The following ARHGAP15 variants were observed in gnomAD, a reference collection of about 807,000 sequenced individuals.
ARHGAP15 encodes the protein Rho GTPase activating protein 15.
ARHGAP15 carries 51 observed loss-of-function variants against 63.7 expected under a neutral mutation model. The observed-to-expected ratio is 0.80, with a 90% CI of 0.64 to 1.01. ARHGAP15 has a LOEUF of 1.01. Ranked by LOEUF, ARHGAP15 falls within the 50% of genes least tolerant of loss-of-function variation. The probability of loss-of-function intolerance (pLI) is 0.00; values close to 1 mark genes in which losing one functional copy is unlikely to be tolerated. For missense variants in ARHGAP15, 560 were observed against 564.6 expected, an observed-to-expected ratio of 0.99 and a Z score of 0.08; for synonymous variants, 191 against 193.8, an observed-to-expected ratio of 0.99 and a Z score of 0.12.
At chr2:143,254,317 C>A (rs1376988170) in intron 6 of ARHGAP15, among the ~76,000 whole-genome samples, 1 of 151,988 alleles carries the variant, frequency 6.6e-6, no homozygotes, top group East Asian at 1.9e-4. Context: ...GCTACTGTCA[C>A]CTTCTGTTTC....
At chr2:143,687,643 G>C (rs62170310) in intron 12 of ARHGAP15, among the ~76,000 whole-genome samples, 64 of 152,168 alleles carry the variant, frequency 4.2e-4, no homozygotes, top group Non-Finnish European at 9.0e-4. Flanking sequence ...GAAATACCTA[G>C]AGGAAAGTCT....
intron 4 of ARHGAP15, among the ~76,000 whole-genome samples, chr2:143,221,971 G>A (rs1230397235): frequency 1.3e-5 from 2 of 152,196 alleles, no homozygotes; most frequent in African/African-American, 4.8e-5. Flanking sequence ...TTTGGAATGT[G>A]AGACTAAGGT....
chr2:143,262,586 T>C (rs1680783791), intron 6 of ARHGAP15, among the ~76,000 whole-genome samples: 1 of 149,918 alleles, frequency 6.7e-6, no homozygotes, highest in Non-Finnish European at 1.5e-5. Flanking sequence ...TTCACTGTAG[T>C]TGACAGTTCA....
intron 5 of ARHGAP15, among the ~76,000 whole-genome samples, chr2:143,248,914 A>G (rs964210268): frequency 2.0e-5 from 3 of 152,196 alleles, no homozygotes; most frequent in Non-Finnish European, 4.4e-5. Flanking sequence ...ACTTGACTGT[A>G]TGGGAAAAAT....
intron 6 of ARHGAP15, among the ~76,000 whole-genome samples, chr2:143,354,946 G>A (rs924767512): frequency 6.6e-6 from 1 of 152,124 alleles, no homozygotes; most frequent in Admixed American, 6.5e-5. Flanking sequence ...CAAAGTGAAG[G>A]CCATTTTGAA....
chr2:143,670,195 G>A (rs1682446083), intron 12 of ARHGAP15, among the ~76,000 whole-genome samples: 1 of 152,068 alleles, frequency 6.6e-6, no homozygotes, highest in African/African-American at 2.4e-5. Context: ...ACCCACTTCT[G>A]CTCCCAACCA....
At chr2:143,257,802 C>T (rs922423871) in intron 6 of ARHGAP15, among the ~76,000 whole-genome samples, 6 of 152,062 alleles carry the variant, frequency 3.9e-5, no homozygotes, top group Non-Finnish European at 7.4e-5. Context: ...GCAAAAGAAA[C>T]CACTGCCACT....
At chr2:143,426,358 C>A (rs1213140430) in intron 6 of ARHGAP15, among the ~76,000 whole-genome samples, 5 of 152,066 alleles carry the variant, frequency 3.3e-5, no homozygotes, top group Admixed American at 3.3e-4. Flanking sequence ...ATCCCAGAAG[C>A]TTTAGCATCC....
chr2:143,293,734 T>C (rs1388441073), intron 6 of ARHGAP15, among the ~76,000 whole-genome samples: 1 of 152,002 alleles, frequency 6.6e-6, no homozygotes. Flanking sequence ...AAACGGAAAG[T>C]AATATTAATA....
chr2:143,462,767 GTAGTAA>G, intron 8 of ARHGAP15, among the ~76,000 whole-genome samples: 1 of 152,056 alleles, frequency 6.6e-6, no homozygotes, highest in South Asian at 2.1e-4. Flanking sequence ...CTAGTAAGAT[GTAGTAA>G]GATGGATGGA....
intron 10 of ARHGAP15, among the ~76,000 whole-genome samples, chr2:143,532,439 T>A (rs1291082158): frequency 6.6e-6 from 1 of 152,242 alleles, no homozygotes. Flanking sequence ...ATGTTTTCCA[T>A]TCAAATTCTT....
intron 9 of ARHGAP15, among the ~76,000 whole-genome samples, chr2:143,490,673 T>G (rs950031128): frequency 2.0e-5 from 3 of 152,110 alleles, no homozygotes; most frequent in Non-Finnish European, 4.4e-5. Flanking sequence ...CAGGCTGGAG[T>G]GCAGTGGCAT....
chr2:143,677,724 G>A (rs2105363816), intron 12 of ARHGAP15, among the ~76,000 whole-genome samples: 2 of 152,308 alleles, frequency 1.3e-5, no homozygotes, highest in South Asian at 4.1e-4. Context: ...TTCATATAAT[G>A]AAGTTATTGA....
rs186616966 is a variant in ARHGAP15 at position 143,226,422 on chromosome 2, C to A, written c.297-2159C>A. Among the ~76,000 whole-genome samples, 68 of 152,312 alleles carry A rather than the reference C, an allele frequency of 4.5e-4. 1 individual carries two copies. Among genetic ancestry groups the A allele is most frequent in the Non-Finnish European group, 7.5e-4 (51 of 68,014 alleles). On this transcript the variant is annotated intron_variant, in intron 4 of 13. Coordinates refer to ENST00000295095, the MANE Select transcript of ARHGAP15 (RefSeq NM_018460.4). ...ATAATAGGTAGGTTAAATATGGATT[C>A]TTCGTGTGTGAGGGTGTTCTGTACT...
intron 11 of ARHGAP15, among the ~76,000 whole-genome samples, chr2:143,622,634 G>A (rs1205232261): frequency 6.6e-6 from 1 of 152,086 alleles, no homozygotes; most frequent in Non-Finnish European, 1.5e-5. Flanking sequence ...ACATTATTGT[G>A]TTATGATTGA....
intron 6 of ARHGAP15, among the ~76,000 whole-genome samples, chr2:143,279,383 C>T (rs1681730277): frequency 6.6e-6 from 1 of 152,112 alleles, no homozygotes; most frequent in Non-Finnish European, 1.5e-5. Flanking sequence ...AGAGCACTAT[C>T]CTGCAAACTG....
chr2:143,227,492 AT>A (rs1693256003), intron 4 of ARHGAP15, among the ~76,000 whole-genome samples: 1 of 152,138 alleles, frequency 6.6e-6, no homozygotes, highest in Non-Finnish European at 1.5e-5. Context: ...ATATTTTTAA[AT>A]TTATCATAAG....
chr2:143,374,138 G>T (rs1220988713), intron 6 of ARHGAP15, among the ~76,000 whole-genome samples: 1 of 152,188 alleles, frequency 6.6e-6, no homozygotes, highest in African/African-American at 2.4e-5. Flanking sequence ...CGCAACGTAA[G>T]TGGATGAAAG....
chr2:143,216,279 C>A (rs1692752913), intron 3 of ARHGAP15, 105 bp from the exon 4 acceptor site: 1 of 830,692 alleles, frequency 1.2e-6, no homozygotes, highest in Non-Finnish European at 1.9e-6. Context: ...AGTTCTATGA[C>A]TGAAAACTTC....
Sources: gnomAD v4.1 joint callset for allele counts (sites outside exome capture counted in the v4.1 genomes callset) on GRCh38, gnomAD v4.1.1 for gene constraint, MANE v1.5 for transcripts, NCBI Gene and HGNC (gene_info 2026-07-23, HGNC 2026-07-21) for gene names.